Variants in ABCG2 observed in about 807,000 individuals in gnomAD.
ABCG2 encodes ATP binding cassette subfamily G member 2 (JR blood group), also known as broad substrate specificity ATP-binding cassette transporter ABCG2.
Under a neutral mutation model 73.5 loss-of-function variants are expected in ABCG2, and 80 were observed. The observed-to-expected ratio is 1.09, with a 90% CI of 0.91 to 1.31. The LOEUF (loss-of-function observed/expected upper bound fraction) is 1.31. ABCG2 is among the 50% of genes most tolerant of loss of function. The pLI, the probability that ABCG2 is intolerant of heterozygous loss-of-function variation, is 0.00. For missense variants in ABCG2, 796 were observed against 786.2 expected, an observed-to-expected ratio of 1.01 and a Z score of -0.15; for synonymous variants, 269 against 282.4, an observed-to-expected ratio of 0.95 and a Z score of 0.48.
intron 1 of ABCG2, among the ~76,000 whole-genome samples, chr4:88,172,534 C>T (rs1435049816): frequency 3.3e-5 from 5 of 149,860 alleles, no homozygotes; most frequent in Non-Finnish European, 7.4e-5. Context: ...AGCCGAGTCA[C>T]GCCACTGCAC....
intron 5 of ABCG2, among the ~76,000 whole-genome samples, chr4:88,126,783 A>G (rs1241090629): frequency 2.6e-5 from 4 of 152,208 alleles, no homozygotes; most frequent in Admixed American, 2.6e-4. Context: ...ATCTCAAAAT[A>G]ATAAGAGCTA....
intron 1 of ABCG2, among the ~76,000 whole-genome samples, chr4:88,171,078 T>C (rs1351301221): frequency 1.3e-5 from 2 of 151,988 alleles, no homozygotes; most frequent in Non-Finnish European, 2.9e-5. Flanking sequence ...TGAGAACTCA[T>C]GAACACAAAG....
chr4:88,147,037 G>A (rs1323220593), intron 1 of ABCG2, among the ~76,000 whole-genome samples: 1 of 138,800 alleles, frequency 7.2e-6, no homozygotes, highest in Non-Finnish European at 1.6e-5. Context: ...AAGAAAGAAA[G>A]AAAGAAAGAA....
intron 1 of ABCG2, among the ~76,000 whole-genome samples, chr4:88,155,140 C>A (rs540967305): frequency 6.6e-6 from 1 of 152,158 alleles, no homozygotes; most frequent in South Asian, 2.1e-4. Flanking sequence ...GATTTAGGAT[C>A]TATGGGGTCA....
chr4:88,173,866 T>C (rs1446288666), intron 1 of ABCG2, among the ~76,000 whole-genome samples: 1 of 152,116 alleles, frequency 6.6e-6, no homozygotes, highest in Non-Finnish European at 1.5e-5. Context: ...TCACTGATTG[T>C]CTCATAATTT....
At chr4:88,208,667 A>G (rs2110120812) in intron 1 of ABCG2, among the ~76,000 whole-genome samples, 2 of 152,230 alleles carry the variant, frequency 1.3e-5, no homozygotes. Context: ...CCTCAAACAG[A>G]TCTGCTCTGT....
At chr4:88,181,541 G>C (rs1311029666) in intron 1 of ABCG2, among the ~76,000 whole-genome samples, 1 of 152,044 alleles carries the variant, frequency 6.6e-6, no homozygotes, top group African/African-American at 2.4e-5. Context: ...GATCAGCCTA[G>C]GCAACAGAGG....
At chr4:88,140,204 G>A (rs1310796047) in intron 1 of ABCG2, among the ~76,000 whole-genome samples, 190 bp from the exon 2 acceptor site, 2 of 152,156 alleles carry the variant, frequency 1.3e-5, no homozygotes, top group East Asian at 3.8e-4. Context: ...GCACAACTTG[G>A]AATGCATAAA....
chr4:88,186,501 G>C (rs4367138), intron 1 of ABCG2, among the ~76,000 whole-genome samples: 1 of 151,996 alleles, frequency 6.6e-6, no homozygotes, highest in African/African-American at 2.4e-5. Flanking sequence ...TATAAGCATG[G>C]TCGGTGGCTC....
chr4:88,108,367 A>AAC (rs982354379), intron 9 of ABCG2, among the ~76,000 whole-genome samples: 15 of 150,998 alleles, frequency 9.9e-5, no homozygotes, highest in South Asian at 4.2e-4. Context: ...ACTAAAAAAA[A>AAC]ACACACACAA....
At position 88,158,522 on chromosome 4, in the gene ABCG2, A is replaced by G. The variant is rs1398182900; in HGVS notation, c.-156T>C. The G allele has an allele frequency of 4.4e-6, 2 of 456,324 alleles. No individual in the cohort carries two copies. The highest frequency in any genetic ancestry group is 8.8e-6 in the Non-Finnish European group (2 of 226,974). The allele number at this position is 456,324 out of a possible 1,614,324, so 28.3% of individuals were successfully genotyped here. A position where few individuals can be genotyped will look rare whatever the true frequency, so the allele number is the denominator to read the frequency against. Reference sequence around the variant, plus strand: ...CCTTCCAAACAAACTCTAAAGCAGCAGTTTCCACTTAACAAGACCACCAAG... The same window carrying G: ...CCTTCCAAACAAACTCTAAAGCAGCGGTTTCCACTTAACAAGACCACCAAG... On this transcript the variant is annotated 5_prime_UTR_variant, in exon 1 of 16. Coordinates refer to ENST00000237612, the MANE Select transcript of ABCG2 (RefSeq NM_004827.3).
intron 1 of ABCG2, among the ~76,000 whole-genome samples, chr4:88,150,317 C>G (rs1411959379): frequency 6.6e-6 from 1 of 152,144 alleles, no homozygotes; most frequent in Non-Finnish European, 1.5e-5. Context: ...TCACGGAAGG[C>G]CTTTCCAGTG....
At chr4:88,118,722 C>A (rs959176575) in intron 6 of ABCG2, among the ~76,000 whole-genome samples, 1 of 152,182 alleles carries the variant, frequency 6.6e-6, no homozygotes, top group African/African-American at 2.4e-5. Context: ...CACTCTTCTG[C>A]CCTAATAATG....
At chr4:88,103,407 C>G (rs1722573998) in intron 10 of ABCG2, among the ~76,000 whole-genome samples, 1 of 152,080 alleles carries the variant, frequency 6.6e-6, no homozygotes, top group South Asian at 2.1e-4. Flanking sequence ...TCTGTTATAT[C>G]TACTTATTGG....
chr4:88,213,002 A>G (rs1729663009), intron 1 of ABCG2, among the ~76,000 whole-genome samples: 5 of 152,014 alleles, frequency 3.3e-5, no homozygotes, highest in Non-Finnish European at 7.4e-5. Context: ...CTGGGGCCCA[A>G]ATGATCTTCC....
chr4:88,121,883 T>C, intron 5 of ABCG2, 91 bp from the exon 6 acceptor site: 2 of 1,243,048 alleles, frequency 1.6e-6, no homozygotes, highest in Non-Finnish European at 2.3e-6. Context: ...TAAGAGACAC[T>C]TTATCTCATT....
intron 1 of ABCG2, among the ~76,000 whole-genome samples, chr4:88,222,416 C>T (rs76262124): frequency 0.14 from 21,451 of 152,080 alleles, 1,771 homozygotes; most frequent in Non-Finnish European, 0.19. Flanking sequence ...GTCACTGAAT[C>T]GTGGGCCGCT....
At chr4:88,130,187 C>A (rs1446250238) in intron 5 of ABCG2, among the ~76,000 whole-genome samples, 1 of 152,142 alleles carries the variant, frequency 6.6e-6, no homozygotes, top group Non-Finnish European at 1.5e-5. Flanking sequence ...GGCAAGTGAG[C>A]AAAGCTTCAT....
chr4:88,128,712 G>A (rs531830926), intron 5 of ABCG2, among the ~76,000 whole-genome samples: 49 of 152,266 alleles, frequency 3.2e-4, no homozygotes, highest in African/African-American at 1.1e-3. Context: ...ATAAGTGGGA[G>A]TTGAACAATG....
Sources: allele counts gnomAD v4.1 joint callset (sites outside exome capture counted in the v4.1 genomes callset), GRCh38; gene constraint gnomAD v4.1.1; transcripts MANE v1.5; gene names NCBI Gene and HGNC (gene_info 2026-07-23, HGNC 2026-07-21).